The following BCL7C variants were observed in gnomAD, a reference collection of about 807,000 sequenced individuals.
BCL7C encodes the protein BAF chromatin remodeling complex subunit BCL7C.
Under a neutral mutation model 26.2 loss-of-function variants are expected in BCL7C, and 8 were observed. The observed-to-expected ratio is 0.30, with a 90% CI of 0.18 to 0.55. The LOEUF (loss-of-function observed/expected upper bound fraction) is 0.55. BCL7C is among the 20% of genes least tolerant of loss of function. BCL7C has a pLI of 0.93. For synonymous variants in BCL7C, 90 were observed against 116.5 expected, an observed-to-expected ratio of 0.77 and a Z score of 1.47; for missense variants, 262 against 298.5, an observed-to-expected ratio of 0.88 and a Z score of 0.90.
chr16:30,866,915 A>G (rs546449185), intron 5 of BCL7C, among the ~76,000 whole-genome samples: 15 of 151,988 alleles, frequency 9.9e-5, no homozygotes, highest in African/African-American at 3.6e-4. Context: ...TCAGCTGAGC[A>G]TGGTGGTGCA....
At chr16:30,869,149 C>T (rs945233875) in intron 5 of BCL7C, among the ~76,000 whole-genome samples, 2 of 152,094 alleles carry the variant, frequency 1.3e-5, no homozygotes, top group Non-Finnish European at 2.9e-5. Flanking sequence ...AGTCGTAGTT[C>T]CAGCTTTGCT....
At chr16:30,890,453 C>G (rs937660103) in intron 4 of BCL7C, among the ~76,000 whole-genome samples, 27 of 151,778 alleles carry the variant, frequency 1.8e-4, no homozygotes, top group Non-Finnish European at 1.2e-4. Context: ...GGCTCACTGG[C>G]TGAGTTACTT....
At chr16:30,861,540 C>G (rs890097774) in intron 5 of BCL7C, among the ~76,000 whole-genome samples, 3 of 152,202 alleles carry the variant, frequency 2.0e-5, no homozygotes, top group African/African-American at 7.2e-5. Context: ...CTGTCCAACT[C>G]GCCCAGCAGC....
intron 5 of BCL7C, chr16:30,851,683 G>A (rs2054676131): frequency 1.4e-6 from 1 of 721,472 alleles, no homozygotes; most frequent in African/African-American, 1.8e-5. Flanking sequence ...CAGATGTAAT[G>A]GTTTCACTGG....
intron 5 of BCL7C, among the ~76,000 whole-genome samples, chr16:30,871,531 C>G (rs1035610230): frequency 6.6e-6 from 1 of 152,064 alleles, no homozygotes; most frequent in Non-Finnish European, 1.5e-5. Context: ...GTCGCCCAGG[C>G]TGGAGTGCAG....
At chr16:30,847,416 C>T (rs1424678375) in intron 5 of BCL7C, among the ~76,000 whole-genome samples, 1 of 152,162 alleles carries the variant, frequency 6.6e-6, no homozygotes, top group Admixed American at 6.6e-5. Flanking sequence ...GATAACCTCA[C>T]CTGGGCAAAT....
At chr16:30,847,207 C>A (rs1216773047) in intron 5 of BCL7C, among the ~76,000 whole-genome samples, 1 of 152,112 alleles carries the variant, frequency 6.6e-6, no homozygotes, top group South Asian at 2.1e-4. Context: ...AATTTGCAGT[C>A]TCATCAAATT....
intron 4 of BCL7C, among the ~76,000 whole-genome samples, chr16:30,890,761 G>A (rs1371116602): frequency 1.3e-5 from 2 of 152,042 alleles, no homozygotes; most frequent in Non-Finnish European, 2.9e-5. Context: ...TGAGGCAGGC[G>A]GATCACCTGA....
At chr16:30,841,162 C>T (rs1315701928) in intron 5 of BCL7C, among the ~76,000 whole-genome samples, 1 of 152,086 alleles carries the variant, frequency 6.6e-6, no homozygotes, top group African/African-American at 2.4e-5. Context: ...CTTGAAAAGC[C>T]CTGTAGGTAA....
intron 5 of BCL7C, among the ~76,000 whole-genome samples, chr16:30,877,521 G>C (rs2054968019): frequency 4.6e-5 from 7 of 151,104 alleles, no homozygotes; most frequent in Admixed American, 4.6e-4. Context: ...CTCACTGCAA[G>C]CTCCGCCTCC....
At chr16:30,892,362 TAAA>T (rs977512071) in intron 4 of BCL7C, among the ~76,000 whole-genome samples, 1 of 139,642 alleles carries the variant, frequency 7.2e-6, no homozygotes, top group Admixed American at 7.2e-5. Flanking sequence ...GATAAACTAG[TAAA>T]AAATTAATTT....
chr16:30,892,967 G>T lies in BCL7C; in HGVS notation c.172-19C>A. 6.2e-7 allele frequency: 1 copy of T among 1,601,160 alleles called. No homozygotes were observed. Among genetic ancestry groups the T allele is most frequent in the Non-Finnish European group, 8.5e-7 (1 of 1,171,908 alleles). ...TTCGCTCCTGGGGGTTAGAGGATTA[G>T]GGTCAGAGCTCTTGGAAAGCCCCAC... On this transcript the variant is annotated intron_variant, in intron 2 of 5. Transcript: ENST00000215115.
chr16:30,888,092 C>T, intron 5 of BCL7C, 102 bp from the exon 6 acceptor site: 3 of 1,293,430 alleles, frequency 2.3e-6, no homozygotes, highest in Non-Finnish European at 3.2e-6. Flanking sequence ...CCCTCCTGGG[C>T]CCGGGAGGCA....
At chr16:30,865,717 CTTTTT>C (rs1184320553) in intron 5 of BCL7C, among the ~76,000 whole-genome samples, 3 of 115,026 alleles carry the variant, frequency 2.6e-5, no homozygotes, top group Admixed American at 2.1e-4. Context: ...ATACATATGG[CTTTTT>C]TTTTCTTTTT....
chr16:30,885,552 C>A (rs1030223474), downstream of BCL7C, among the ~76,000 whole-genome samples: 1 of 151,944 alleles, frequency 6.6e-6, no homozygotes, highest in Non-Finnish European at 1.5e-5. Context: ...TACAGGCGCC[C>A]GCCACTATGC....
At chr16:30,846,169 G>A (rs1345309804) in intron 5 of BCL7C, among the ~76,000 whole-genome samples, 1 of 149,412 alleles carries the variant, frequency 6.7e-6, no homozygotes, top group Admixed American at 6.7e-5. Context: ...GGGACCACAG[G>A]TTTGCACCAC....
chr16:30,878,814 G>A (rs923992145), intron 5 of BCL7C, among the ~76,000 whole-genome samples: 3 of 151,426 alleles, frequency 2.0e-5, no homozygotes, highest in African/African-American at 7.3e-5. Flanking sequence ...CTGCACTCCA[G>A]CCTGGGTGAC....
chr16:30,860,732 A>G (rs1029312028), intron 5 of BCL7C, among the ~76,000 whole-genome samples: 7 of 151,978 alleles, frequency 4.6e-5, no homozygotes, highest in African/African-American at 9.7e-5. Flanking sequence ...TCTGCTCCCA[A>G]TGTGACTCGT....
At chr16:30,846,030 G>A (rs940491290) in intron 5 of BCL7C, among the ~76,000 whole-genome samples, 2 of 148,766 alleles carry the variant, frequency 1.3e-5, no homozygotes, top group Non-Finnish European at 3.0e-5. Context: ...GCTTGAACCC[G>A]GGAGGCAGAG....
Sources: gnomAD v4.1 joint callset for allele counts (sites outside exome capture counted in the v4.1 genomes callset) on GRCh38, gnomAD v4.1.1 for gene constraint, MANE v1.5 for transcripts, NCBI Gene and HGNC (gene_info 2026-07-23, HGNC 2026-07-21) for gene names.